NDST4: variants seen among roughly 807,000 people sequenced by gnomAD.
NDST4 encodes the protein N-heparan sulfate sulfotransferase 4.
NDST4 carries 63 observed loss-of-function variants against 100.8 expected under a neutral mutation model. The observed-to-expected ratio is 0.62, with a 90% confidence interval of 0.51 to 0.77. NDST4 has a LOEUF of 0.77. Among genes scored for constraint, NDST4 ranks in the 30% least tolerant of loss-of-function variants. NDST4 has a pLI of 0.00. For synonymous variants in NDST4, 377 were observed against 361.8 expected, an observed-to-expected ratio of 1.04 and a Z score of -0.48; for missense variants, 943 against 1,018.4, an observed-to-expected ratio of 0.93 and a Z score of 1.01.
chr4:115,099,157 A>G (rs1397784799), intron 1 of NDST4, among the ~76,000 whole-genome samples: 1 of 152,222 alleles, frequency 6.6e-6, no homozygotes, highest in Non-Finnish European at 1.5e-5. Context: ...AACTCAAGTG[A>G]ATTTTAGACT....
At chr4:115,090,572 T>C (rs575229380) in intron 1 of NDST4, among the ~76,000 whole-genome samples, 105 of 152,040 alleles carry the variant, frequency 6.9e-4, no homozygotes, top group Non-Finnish European at 1.3e-3. Flanking sequence ...TAGGAAATAA[T>C]AACCTGTCTA....
At chr4:114,972,298 C>T (rs189723204) in intron 3 of NDST4, among the ~76,000 whole-genome samples, 1 of 152,106 alleles carries the variant, frequency 6.6e-6, no homozygotes, top group African/African-American at 2.4e-5. Flanking sequence ...TGTATACTCA[C>T]TGTTCCTGGA....
intron 5 of NDST4, among the ~76,000 whole-genome samples, 191 bp from the exon 6 acceptor site, chr4:114,935,525 A>C (rs1725610083): frequency 6.9e-6 from 1 of 145,836 alleles, no homozygotes; most frequent in South Asian, 2.1e-4. Context: ...TCCATATCAA[A>C]GGCATAAAAA....
At chr4:115,042,804 AT>A (rs1475495906) in intron 2 of NDST4, among the ~76,000 whole-genome samples, 1 of 152,082 alleles carries the variant, frequency 6.6e-6, no homozygotes, top group African/African-American at 2.4e-5. Flanking sequence ...TAGACTCTGC[AT>A]CAGAAGTTCC....
chr4:115,001,383 C>T lies in NDST4; in HGVS notation c.979-24109G>A, dbSNP rs115891534. ...TGTTAGAGTTGATCGGCCCACCAGA[C>T]TAATGCTGCGGAGAGCACAACCATT... On this transcript the variant is annotated intron_variant, in intron 2 of 13. Coordinates refer to ENST00000264363, the MANE Select transcript of NDST4 (RefSeq NM_022569.3). Among the ~76,000 whole-genome samples, 310 of 152,164 alleles carry T rather than the reference C, an allele frequency of 2.0e-3. 1 individual carries two copies. Among genetic ancestry groups the T allele is most frequent in the African/African-American group, 7.2e-3 (301 of 41,524 alleles).
chr4:114,864,908 G>A (rs534571605), intron 7 of NDST4, among the ~76,000 whole-genome samples: 53 of 152,118 alleles, frequency 3.5e-4, no homozygotes, highest in African/African-American at 1.2e-3. Context: ...GACACAAAAT[G>A]TTTCTAATTT....
chr4:115,033,526 T>C (rs1278745343), intron 2 of NDST4, among the ~76,000 whole-genome samples: 2 of 152,064 alleles, frequency 1.3e-5, no homozygotes, highest in East Asian at 1.9e-4. Flanking sequence ...AATATTTAAC[T>C]TTTTGATCTA....
At chr4:115,029,355 A>T (rs1177449433) in intron 2 of NDST4, among the ~76,000 whole-genome samples, 1 of 152,086 alleles carries the variant, frequency 6.6e-6, no homozygotes, top group African/African-American at 2.4e-5. Context: ...ATTGTGGCAC[A>T]GGTTAAGGCA....
At chr4:115,103,538 A>G (rs1293788633) in intron 1 of NDST4, among the ~76,000 whole-genome samples, 1 of 152,194 alleles carries the variant, frequency 6.6e-6, no homozygotes, top group Non-Finnish European at 1.5e-5. Flanking sequence ...TATATATTTA[A>G]TAAACCCTGT....
chr4:114,851,585 G>A (rs1450558089), intron 8 of NDST4, among the ~76,000 whole-genome samples: 3 of 152,102 alleles, frequency 2.0e-5, no homozygotes, highest in Non-Finnish European at 2.9e-5. Context: ...ACAAATGATA[G>A]GGGATACATC....
intron 7 of NDST4, among the ~76,000 whole-genome samples, chr4:114,868,952 ATATATAT>A (rs1724090067): frequency 7.9e-6 from 1 of 126,114 alleles, no homozygotes; most frequent in African/African-American, 4.7e-5. Flanking sequence ...AATTATATAT[ATATATAT>A]ATATATATTT....
chr4:114,887,762 T>C (rs1475086338), intron 6 of NDST4, among the ~76,000 whole-genome samples: 3 of 152,168 alleles, frequency 2.0e-5, no homozygotes, highest in African/African-American at 7.2e-5. Context: ...CCCATGCAAC[T>C]TAACTTTTTC....
intron 6 of NDST4, among the ~76,000 whole-genome samples, chr4:114,896,271 A>G (rs917316557): frequency 2.6e-5 from 4 of 152,044 alleles, no homozygotes; most frequent in African/African-American, 9.7e-5. Flanking sequence ...TATTATTATT[A>G]CTTATTATTA....
chr4:114,926,501 T>A (rs1237461553), intron 6 of NDST4, among the ~76,000 whole-genome samples: 1 of 152,002 alleles, frequency 6.6e-6, no homozygotes, highest in Non-Finnish European at 1.5e-5. Flanking sequence ...TTTTGAAATG[T>A]GTCAAACTAT....
At chr4:115,092,726 T>G (rs1053161745) in intron 1 of NDST4, among the ~76,000 whole-genome samples, 17 of 152,126 alleles carry the variant, frequency 1.1e-4, no homozygotes, top group Non-Finnish European at 2.5e-4. Context: ...TATCTATGCA[T>G]ATTCTTCAAC....
chr4:114,929,627 T>C (rs1725470926), intron 6 of NDST4, among the ~76,000 whole-genome samples: 1 of 152,182 alleles, frequency 6.6e-6, no homozygotes. Flanking sequence ...CTGCCTAAAA[T>C]TGAAATAAAT....
chr4:115,104,510 T>A (rs1010191471), intron 1 of NDST4, among the ~76,000 whole-genome samples: 1 of 152,120 alleles, frequency 6.6e-6, no homozygotes, highest in African/African-American at 2.4e-5. Context: ...TGAATCTTTG[T>A]CTTTGTCTTC....
At chr4:114,874,537 T>C (rs1156624185) in intron 6 of NDST4, among the ~76,000 whole-genome samples, 11 of 152,204 alleles carry the variant, frequency 7.2e-5, no homozygotes, top group Non-Finnish European at 1.3e-4. Context: ...TAGAAACAAA[T>C]TAGTGCTGGT....
intron 6 of NDST4, among the ~76,000 whole-genome samples, chr4:114,930,058 C>T (rs1725481151): frequency 6.6e-6 from 1 of 152,128 alleles, no homozygotes; most frequent in Non-Finnish European, 1.5e-5. Context: ...ATTAAATTCT[C>T]AGTAAGGGAA....
Sources: allele counts gnomAD v4.1 joint callset (sites outside exome capture counted in the v4.1 genomes callset), GRCh38; gene constraint gnomAD v4.1.1; transcripts MANE v1.5; gene names NCBI Gene and HGNC (gene_info 2026-07-23, HGNC 2026-07-21).